Variants in TSPAN1 observed in about 807,000 individuals in gnomAD.
The protein encoded by TSPAN1 is tetraspanin-1.
Under a neutral mutation model 26.9 loss-of-function variants are expected in TSPAN1, and 23 were observed. The ratio of observed to expected loss-of-function variants is 0.85; its 90% CI spans 0.62 to 1.21. TSPAN1 has a LOEUF of 1.21. Ranked by LOEUF, TSPAN1 falls within the 50% of genes most tolerant of loss-of-function variation. The probability of loss-of-function intolerance (pLI) is 0.00; values close to 1 mark genes in which losing one functional copy is unlikely to be tolerated. For synonymous variants in TSPAN1, 115 were observed against 114.8 expected, an observed-to-expected ratio of 1.00 and a Z score of -0.01; for missense variants, 283 against 298.4, an observed-to-expected ratio of 0.95 and a Z score of 0.38.
chr1:46,176,635 G>C (rs1001454678), intron 1 of TSPAN1: 1 of 941,782 alleles, frequency 1.1e-6, no homozygotes, highest in Non-Finnish European at 1.5e-6. Flanking sequence ...TCTTTATTGG[G>C]TCTGGCCTAA....
the TSPAN1 span, chr1:46,192,740 T>C: frequency 1.9e-6 from 3 of 1,594,354 alleles, no homozygotes; most frequent in South Asian, 3.3e-5. Context: ...ATTCATCCAC[T>C]GTACCTTCAA....
At chr1:46,179,992 T>C (rs946509172) in intron 1 of TSPAN1, among the ~76,000 whole-genome samples, 1 of 151,774 alleles carries the variant, frequency 6.6e-6, no homozygotes, top group Admixed American at 6.6e-5. Flanking sequence ...TGTGTGTTTG[T>C]GTGTGTGTGT....
At chr1:46,194,346 G>A in the TSPAN1 span, 6 of 1,614,240 alleles carry the variant, frequency 3.7e-6, no homozygotes, top group Admixed American at 3.3e-5. Context: ...CAACTTTGCT[G>A]CAGAAGCGCC....
At chr1:46,195,927 G>A in the TSPAN1 span, 2 of 1,614,144 alleles carry the variant, frequency 1.2e-6, no homozygotes, top group Non-Finnish European at 1.7e-6. Flanking sequence ...ACGTGGCCCT[G>A]GCAGGGGATA....
chr1:46,186,560 G>A (rs1272637783), downstream of TSPAN1, among the ~76,000 whole-genome samples: 5 of 146,492 alleles, frequency 3.4e-5, no homozygotes, highest in South Asian at 2.2e-4. Context: ...GTGTGATCTC[G>A]GCTCACTGCG....
intron 1 of TSPAN1, among the ~76,000 whole-genome samples, chr1:46,177,814 A>T (rs544762822): frequency 1.1e-4 from 16 of 152,306 alleles, no homozygotes; most frequent in Admixed American, 6.5e-4. Context: ...AAGCAGGCAA[A>T]TTCACAGGTA....
intron 1 of TSPAN1, 40 bp downstream of exon 1, chr1:46,175,449 A>T (rs1323151082): frequency 2.5e-6 from 1 of 395,896 alleles, no homozygotes; most frequent in East Asian, 3.6e-5. Flanking sequence ...CGCCCTGCAT[A>T]GTCAGCTGGT....
At chr1:46,187,553 T>C (rs564905171), downstream of TSPAN1, among the ~76,000 whole-genome samples, 29 of 152,230 alleles carry the variant, frequency 1.9e-4, no homozygotes, top group Middle Eastern at 3.4e-3. Context: ...TTAGAGCTGG[T>C]CTGTGAGGGC....
chr1:46,184,868 C>T lies in TSPAN1; in HGVS notation c.423C>T (p.Asn141=). ...AGGAAGACTTCACTCAAGTGTGGAA[C>T]ACCACCATGAAAGGGGTAAGGTTGG... ...GSQEDFTQVW[N]TTMKGLKCCG... Residue 141 remains asparagine (N), a synonymous_variant, in exon 6 of 9, where the codon AAC becomes AAT. Coordinates refer to ENST00000372003, the MANE Select transcript of TSPAN1 (RefSeq NM_005727.4). The T allele has an allele frequency of 6.2e-7, 1 of 1,614,204 alleles. No homozygotes were observed. Among genetic ancestry groups the T allele is most frequent in the Non-Finnish European group, 8.5e-7 (1 of 1,180,052 alleles).
chr1:46,194,465 C>T, the TSPAN1 span: 2 of 1,614,116 alleles, frequency 1.2e-6, no homozygotes, highest in Middle Eastern at 1.6e-4. Flanking sequence ...GCCCCAGGCA[C>T]ACAATCAAAG....
chr1:46,193,220 G>A, the TSPAN1 span: 2 of 1,614,174 alleles, frequency 1.2e-6, no homozygotes, highest in Non-Finnish European at 1.7e-6. Context: ...GTAGTGCTGG[G>A]AGTGGGGTGG....
chr1:46,194,717 C>G, the TSPAN1 span: 1 of 1,614,118 alleles, frequency 6.2e-7, no homozygotes, highest in East Asian at 2.2e-5. Flanking sequence ...TTTCCCATCT[C>G]CCTGCCTACT....
At chr1:46,184,080 C>T (rs1036478011) in intron 3 of TSPAN1, 111 bp from the exon 4 acceptor site, 10 of 1,187,220 alleles carry the variant, frequency 8.4e-6, no homozygotes, top group East Asian at 2.4e-5. Context: ...TTTTAGACTC[C>T]CTAGCCAATA....
the TSPAN1 span, chr1:46,196,111 A>T: frequency 3.7e-6 from 6 of 1,613,432 alleles, no homozygotes; most frequent in Non-Finnish European, 5.1e-6. The surrounding 1 kb of genome is among the most constrained non-coding windows in gnomAD (Gnocchi z 4.4). Flanking sequence ...CCAGCTTTTC[A>T]CTCTGGCATT....
chr1:46,178,971 C>T (rs1435690731), intron 1 of TSPAN1, among the ~76,000 whole-genome samples: 1 of 152,050 alleles, frequency 6.6e-6, no homozygotes, highest in Non-Finnish European at 1.5e-5. Context: ...ATACTATTAG[C>T]CCCTCTCTCT....
chr1:46,193,451 C>T, the TSPAN1 span: 1 of 1,606,140 alleles, frequency 6.2e-7, no homozygotes, highest in Non-Finnish European at 8.5e-7. Context: ...CTCTGCAATC[C>T]AAGGCCTTCA....
chr1:46,175,349 T>C lies in TSPAN1; in HGVS notation c.-202T>C. 2 of 370,602 alleles carry C rather than the reference T, an allele frequency of 5.4e-6. No homozygotes were observed. The highest frequency in any genetic ancestry group is 9.6e-6 in the Non-Finnish European group (2 of 208,958). The allele number at this position is 370,602 out of a possible 1,614,324, so 23.0% of individuals were successfully genotyped here. The stretch of plus-strand genomic sequence containing the variant: ...CAAAGATGGTCTATGTTGCTGACCT[T>C]GTCCTGTCCTCCTGCTGTCTTAAAC... On this transcript the variant is annotated 5_prime_UTR_variant, in exon 1 of 9. Transcript: ENST00000372003.
At chr1:46,184,547 T>G (rs1480850416) in intron 4 of TSPAN1, 47 bp from the exon 5 acceptor site, 1 of 1,607,064 alleles carries the variant, frequency 6.2e-7, no homozygotes, top group South Asian at 1.1e-5. Context: ...AAGGAGGGCA[T>G]GAGGGACTGT....
At chr1:46,175,924 G>A (rs932561632) in intron 1 of TSPAN1, 1 of 466,888 alleles carries the variant, frequency 2.1e-6, no homozygotes, top group Admixed American at 3.8e-5. Flanking sequence ...CCAGGCTGGA[G>A]TGCAGTGGCG....
Sources: allele counts gnomAD v4.1 joint callset (sites outside exome capture counted in the v4.1 genomes callset), GRCh38; gene constraint gnomAD v4.1.1; non-coding constraint Gnocchi (gnomAD v3.1); transcripts MANE v1.5; gene names NCBI Gene and HGNC (gene_info 2026-07-23, HGNC 2026-07-21).